Variants in EPM2A observed in about 807,000 individuals in gnomAD.
EPM2A encodes EPM2A glucan phosphatase, laforin.
EPM2A carries 21 observed loss-of-function variants against 26.5 expected under a neutral mutation model. That is an observed-to-expected ratio of 0.79 (90% CI 0.56 to 1.14). The LOEUF (loss-of-function observed/expected upper bound fraction) is 1.14. Ranked by LOEUF, EPM2A falls within the 50% of genes most tolerant of loss-of-function variation. The pLI is 0.00. For synonymous variants in EPM2A, 217 were observed against 177.6 expected (o/e 1.22, Z -1.76); for missense variants, 458 against 440.8 (o/e 1.04, Z -0.35).
At chr6:145,662,636 T>C (rs1778806783) in intron 2 of EPM2A, among the ~76,000 whole-genome samples, 1 of 152,124 alleles carries the variant, frequency 6.6e-6, no homozygotes, top group African/African-American at 2.4e-5. Context: ...GATCAGTGGA[T>C]AGAAAATTAC....
chr6:145,730,667 AT>A (rs1776439295), intron 1 of EPM2A, among the ~76,000 whole-genome samples: 1 of 152,214 alleles, frequency 6.6e-6, no homozygotes, highest in African/African-American at 2.4e-5. Flanking sequence ...ACATGAATTG[AT>A]TTTTTTAAAA....
chr6:145,473,710 CA>C (rs1377568202), intron 4 of EPM2A, among the ~76,000 whole-genome samples: 2 of 152,034 alleles, frequency 1.3e-5, no homozygotes, highest in Non-Finnish European at 2.9e-5. Context: ...GTACATCAGG[CA>C]GTAGACTTTT....
At chr6:145,462,795 T>G (rs899223565) in intron 4 of EPM2A, among the ~76,000 whole-genome samples, 1 of 152,134 alleles carries the variant, frequency 6.6e-6, no homozygotes, top group Non-Finnish European at 1.5e-5. Flanking sequence ...TACCAACAAC[T>G]TGTTGAAGAC....
chr6:145,528,544 T>C (rs1403055972), intron 2 of EPM2A, among the ~76,000 whole-genome samples: 1 of 152,202 alleles, frequency 6.6e-6, no homozygotes, highest in Non-Finnish European at 1.5e-5. Context: ...AGCACATCTA[T>C]TTACAGCATG....
At chr6:145,555,272 T>TG (rs771872526) in intron 2 of EPM2A, among the ~76,000 whole-genome samples, 11 of 152,050 alleles carry the variant, frequency 7.2e-5, no homozygotes, top group Non-Finnish European at 1.2e-4. Context: ...CTGGTAACCC[T>TG]GGACCAGCTC....
At chr6:145,397,012 G>A (rs1344667606) in intron 4 of EPM2A, among the ~76,000 whole-genome samples, 1 of 152,168 alleles carries the variant, frequency 6.6e-6, no homozygotes, top group Non-Finnish European at 1.5e-5. Context: ...GCAGACTGAT[G>A]AAATCATTAA....
chr6:145,538,726 G>A (rs1161900505), intron 2 of EPM2A, among the ~76,000 whole-genome samples: 1 of 152,214 alleles, frequency 6.6e-6, no homozygotes, highest in Non-Finnish European at 1.5e-5. Context: ...TTTATGCTAA[G>A]ATTTAGTTTA....
chr6:145,480,113 T>G (rs1385571858), intron 4 of EPM2A, among the ~76,000 whole-genome samples: 1 of 152,000 alleles, frequency 6.6e-6, no homozygotes, highest in Admixed American at 6.6e-5. Flanking sequence ...GTTGTCTGTC[T>G]CTTTGTTTTT....
At chr6:145,500,796 T>C (rs1779878894), downstream of EPM2A, among the ~76,000 whole-genome samples, 1 of 152,162 alleles carries the variant, frequency 6.6e-6, no homozygotes, top group African/African-American at 2.4e-5. Context: ...GAGTCAAGTG[T>C]AGATCTGGAA....
intron 2 of EPM2A, among the ~76,000 whole-genome samples, chr6:145,663,691 C>A (rs1474424780): frequency 2.1e-5 from 3 of 142,080 alleles, no homozygotes; most frequent in Admixed American, 1.5e-4. Context: ...TCGAGAAGAG[C>A]AACTCCAAGA....
chr6:145,671,214 C>A, intron 2 of EPM2A: 1 of 1,008,534 alleles, frequency 9.9e-7, no homozygotes. Flanking sequence ...AAAATCTTAT[C>A]ATTATACAAG....
intron 2 of EPM2A, among the ~76,000 whole-genome samples, chr6:145,553,946 T>C (rs1277047913): frequency 6.6e-6 from 1 of 150,932 alleles, no homozygotes; most frequent in Non-Finnish European, 1.5e-5. Context: ...AATCTGACTT[T>C]TAAGTATATG....
intron 4 of EPM2A, among the ~76,000 whole-genome samples, chr6:145,418,678 G>T (rs1363049114): frequency 6.6e-6 from 1 of 152,080 alleles, no homozygotes; most frequent in African/African-American, 2.4e-5. Context: ...TTCTGATCAG[G>T]GTACTCCATT....
chr6:145,408,796 G>A (rs1778603584), intron 4 of EPM2A, among the ~76,000 whole-genome samples: 1 of 152,140 alleles, frequency 6.6e-6, no homozygotes, highest in South Asian at 2.1e-4. Context: ...CAAGGCACCA[G>A]CATATTCAGC....
At position 145,716,911 on chromosome 6, in the gene EPM2A, A is replaced by T. The variant is rs564437815; in HGVS notation, c.301+18287T>A. On this transcript the variant is annotated intron_variant, in intron 1 of 3. Transcript: ENST00000367519. Reference sequence around the variant, plus strand: ...TGTTGTATTTATTCCCATAATTGCAACACAAAAATAAATGAGAAAAGATCC... The same window carrying T: ...TGTTGTATTTATTCCCATAATTGCATCACAAAAATAAATGAGAAAAGATCC... Among the ~76,000 whole-genome samples the T allele has an allele frequency of 2.6e-5, 4 of 152,308 alleles. No individual in the cohort carries two copies. In the East Asian group the frequency reaches 7.7e-4, roughly 29 times the overall value.
At chr6:145,631,407 G>A (rs998016468) in intron 3 of EPM2A, 1 of 152,114 alleles carries the variant, frequency 6.6e-6, no homozygotes, top group African/African-American at 2.4e-5. Flanking sequence ...AACTTTAAAT[G>A]CTGACAACTA....
intron 2 of EPM2A, among the ~76,000 whole-genome samples, chr6:145,568,694 C>T (rs984775197): frequency 3.3e-5 from 5 of 152,284 alleles, no homozygotes; most frequent in Middle Eastern, 3.4e-3. Context: ...TTCCAATCTC[C>T]TCTGTGCTAT....
intron 4 of EPM2A, among the ~76,000 whole-genome samples, chr6:145,493,937 G>C (rs577360998): frequency 1.3e-5 from 2 of 152,258 alleles, no homozygotes; most frequent in South Asian, 4.1e-4. Context: ...ATATTGTCCT[G>C]AGGTTTTCTT....
intron 2 of EPM2A, among the ~76,000 whole-genome samples, chr6:145,581,899 A>G (rs955585046): frequency 2.0e-5 from 3 of 152,192 alleles, no homozygotes; most frequent in Non-Finnish European, 4.4e-5. Context: ...AAGTAATGTG[A>G]TACCTCCAGC....
Sources: gnomAD v4.1 joint callset for allele counts (sites outside exome capture counted in the v4.1 genomes callset) on GRCh38, gnomAD v4.1.1 for gene constraint, MANE v1.5 for transcripts, NCBI Gene and HGNC (gene_info 2026-07-23, HGNC 2026-07-21) for gene names.